Variants in CYFIP1 observed in about 807,000 individuals in gnomAD.
CYFIP1 encodes the protein cytoplasmic FMR1-interacting protein 1.
CYFIP1 carries 58 observed loss-of-function variants against 163.5 expected under a neutral mutation model. That is an observed-to-expected ratio of 0.35 (90% confidence interval 0.29 to 0.44). The LOEUF (loss-of-function observed/expected upper bound fraction) is 0.44, where lower values mean the gene tolerates loss of function less well. Among genes scored for constraint, CYFIP1 ranks in the 20% least tolerant of loss-of-function variants. The pLI is 1.00. For missense variants in CYFIP1, 1,338 were observed against 1,653.8 expected, an observed-to-expected ratio of 0.81 and a Z score of 3.31; for synonymous variants, 663 against 660.7, an observed-to-expected ratio of 1.00 and a Z score of -0.05.
intron 9 of CYFIP1, among the ~76,000 whole-genome samples, chr15:22,936,353 G>A (rs1244962463): frequency 1.3e-5 from 2 of 152,184 alleles, no homozygotes; most frequent in Admixed American, 1.3e-4. Flanking sequence ...AACACTTGAA[G>A]TGGCACATCA....
intron 23 of CYFIP1, among the ~76,000 whole-genome samples, chr15:22,888,104 C>T (rs760191151): frequency 6.6e-6 from 1 of 152,164 alleles, no homozygotes; most frequent in African/African-American, 2.4e-5. Flanking sequence ...TGACCAAGAA[C>T]GAAAAAGATA....
At chr15:22,893,295 G>A (rs576772525) in intron 22 of CYFIP1, among the ~76,000 whole-genome samples, 6 of 152,174 alleles carry the variant, frequency 3.9e-5, no homozygotes, top group Admixed American at 3.3e-4. Flanking sequence ...CGGCGAGGAC[G>A]GTGGGGCAGC....
chr15:22,899,068 A>C (rs954248607), intron 22 of CYFIP1, among the ~76,000 whole-genome samples: 3 of 151,642 alleles, frequency 2.0e-5, no homozygotes, highest in Non-Finnish European at 4.4e-5. Flanking sequence ...GAACTCCTGG[A>C]CTCAAGAGAT....
intron 16 of CYFIP1, chr15:22,915,127 T>A: frequency 1.1e-5 from 4 of 370,364 alleles, no homozygotes. Context: ...AGGGGGAAAG[T>A]GTCTTTTTTT....
At chr15:22,944,530 AC>A (rs1555417994) in intron 5 of CYFIP1, 27 bp downstream of exon 5, 104 of 1,485,234 alleles carry the variant, frequency 7.0e-5, no homozygotes, top group South Asian at 1.3e-4. Flanking sequence ...TCGGTGTTAC[AC>A]CCCCCCCAGA....
chr15:22,912,043 G>A (rs1424396527), intron 18 of CYFIP1, 136 bp downstream of exon 18: 2 of 735,716 alleles, frequency 2.7e-6, no homozygotes, highest in Non-Finnish European at 4.4e-6. Flanking sequence ...CAGAGGAAGG[G>A]CTTGCTCCCA....
rs2142110955 is a variant in CYFIP1, at chr15:22,917,769, G to A, written c.1674+19C>T. ...TCCCCCCAGGGAGAGGGTGCAGGCGGGGCTCAAGGGACGAGAACCTGAGTG... is the reference window on the plus strand; with the variant it reads ...TCCCCCCAGGGAGAGGGTGCAGGCGAGGCTCAAGGGACGAGAACCTGAGTG... On this transcript the variant is annotated intron_variant, in intron 15 of 30. Transcript: ENST00000617928. This position sits in a 1 kb window ranked among gnomAD's most constrained non-coding sequence, Gnocchi z 4.2. 6.3e-7 allele frequency: 1 copy of A among 1,585,404 alleles called. No individual in the cohort carries two copies. Among genetic ancestry groups the A allele is most frequent in the Non-Finnish European group, 8.6e-7 (1 of 1,166,098 alleles).
chr15:22,929,500 C>T (rs1381378960), intron 11 of CYFIP1, among the ~76,000 whole-genome samples: 6 of 150,990 alleles, frequency 4.0e-5, no homozygotes, highest in South Asian at 4.2e-4. Context: ...AGCATGGTGG[C>T]GTGCGCCTGT....
rs142621284 is a variant in CYFIP1, at chr15:22,922,592, T to C, written c.1359+3390A>G. Among the ~76,000 whole-genome samples, 331 of 152,166 alleles carry C rather than the reference T, an allele frequency of 2.2e-3. 2 individuals carry two copies. The highest frequency in any genetic ancestry group is 7.3e-3 in the African/African-American group (302 of 41,506). On this transcript the variant is annotated intron_variant, in intron 13 of 30. Transcript: ENST00000617928. ...CCCAGCCAGTCAGGGGGATGGAGGG[T>C]GGTCTGGAGGGCCCCTCACACAACC...
At chr15:22,905,809 T>C (rs975015988) in intron 21 of CYFIP1, among the ~76,000 whole-genome samples, 1 of 151,664 alleles carries the variant, frequency 6.6e-6, no homozygotes, top group Non-Finnish European at 1.5e-5. Context: ...ACCCAGGCTG[T>C]AGTACAGTGG....
At chr15:22,897,751 T>C (rs1484784998) in intron 22 of CYFIP1, among the ~76,000 whole-genome samples, 1 of 152,170 alleles carries the variant, frequency 6.6e-6, no homozygotes, top group Non-Finnish European at 1.5e-5. Flanking sequence ...CCCAAAGTGC[T>C]GGGATTACAG....
At chr15:22,940,586 G>A (rs567103079) in intron 6 of CYFIP1, among the ~76,000 whole-genome samples, 1 of 152,336 alleles carries the variant, frequency 6.6e-6, no homozygotes, top group South Asian at 2.1e-4. Context: ...GGGTCCCGTA[G>A]AGCCTCGATC....
At chr15:22,888,076 A>AT (rs1181448449) in intron 23 of CYFIP1, among the ~76,000 whole-genome samples, 1 of 152,252 alleles carries the variant, frequency 6.6e-6, no homozygotes, top group Non-Finnish European at 1.5e-5. Flanking sequence ...AGAAGCAGGC[A>AT]TGCTGTAAGT....
chr15:22,885,312 G>C (rs1168620598), intron 23 of CYFIP1, among the ~76,000 whole-genome samples: 1 of 152,170 alleles, frequency 6.6e-6, no homozygotes. Context: ...AATGCTGCTA[G>C]TCTCTTGGCT....
chr15:22,967,296 G>T (rs912578416), intron 1 of CYFIP1, among the ~76,000 whole-genome samples: 3 of 152,128 alleles, frequency 2.0e-5, no homozygotes, highest in African/African-American at 4.8e-5. Flanking sequence ...CCTGGACGGG[G>T]CCCGACTAAG....
intron 17 of CYFIP1, among the ~76,000 whole-genome samples, chr15:22,913,605 TAA>T (rs33967385): frequency 0.02 from 1,317 of 66,924 alleles, 35 homozygotes; most frequent in African/African-American, 0.074. Flanking sequence ...TAGACAGCAT[TAA>T]AAAAAAAAAA....
At chr15:22,928,526 C>A (rs190401988) in intron 11 of CYFIP1, among the ~76,000 whole-genome samples, 3 of 152,206 alleles carry the variant, frequency 2.0e-5, no homozygotes, top group Non-Finnish European at 4.4e-5. Context: ...AAGGGACAGG[C>A]CGCTGCCACA....
At chr15:22,973,303 G>C (rs58700027) in intron 1 of CYFIP1, among the ~76,000 whole-genome samples, 3,632 of 97,314 alleles carry the variant, frequency 0.037, 187 homozygotes, top group African/African-American at 0.14. Context: ...GACAGAACGA[G>C]ACCTTGTCAA....
chr15:22,949,206 T>C (rs1191753134), intron 1 of CYFIP1, among the ~76,000 whole-genome samples: 6 of 151,966 alleles, frequency 3.9e-5, no homozygotes, highest in Non-Finnish European at 7.4e-5. Flanking sequence ...AGAGCAACAG[T>C]GGGAGGGCCG....
Sources: gnomAD v4.1 joint callset for allele counts (sites outside exome capture counted in the v4.1 genomes callset) on GRCh38, gnomAD v4.1.1 for gene constraint, Gnocchi (gnomAD v3.1) non-coding constraint, MANE v1.5 for transcripts, NCBI Gene and HGNC (gene_info 2026-07-23, HGNC 2026-07-21) for gene names.